DEAF1: variants seen among roughly 807,000 people sequenced by gnomAD.
The protein encoded by DEAF1 is DEAF1 transcription factor.
In DEAF1, 53 loss-of-function variants were observed where a neutral mutation model predicts 58.9. The ratio of observed to expected loss-of-function variants is 0.90; its 90% CI spans 0.72 to 1.13. The LOEUF is 1.13. Ranked by LOEUF, DEAF1 falls within the 50% of genes most tolerant of loss-of-function variation. The probability of loss-of-function intolerance (pLI) is 0.00; values close to 1 mark genes in which losing one functional copy is unlikely to be tolerated. For synonymous variants in DEAF1, 385 were observed against 340.4 expected (o/e 1.13, Z -1.44); for missense variants, 685 against 791.4 (o/e 0.87, Z 1.61).
chr11:701,286 C>T (rs1861453500), intron 1 of DEAF1, among the ~76,000 whole-genome samples: 1 of 151,726 alleles, frequency 6.6e-6, no homozygotes, highest in African/African-American at 2.4e-5. Context: ...CTTGAGCGAT[C>T]CTCCTGCCTC....
intron 10 of DEAF1, among the ~76,000 whole-genome samples, chr11:673,683 C>T (rs527549961): frequency 7.7e-4 from 117 of 152,188 alleles, no homozygotes; most frequent in Non-Finnish European, 1.4e-3. Flanking sequence ...CATCCCTGTC[C>T]TTTCCTGTGG....
Position 662,527 on chromosome 11 carries a change from T to A in DEAF1, c.1504-8476A>T, listed in dbSNP as rs1859363080. ...CTTCCTCCCCTCGCCGACCTCCGACTCCCGCCCAGCCCAGGCGCCCCCCAG... is the reference window on the plus strand; with the variant it reads ...CTTCCTCCCCTCGCCGACCTCCGACACCCGCCCAGCCCAGGCGCCCCCCAG... On this transcript the variant is annotated intron_variant, in intron 10 of 11. Transcript: ENST00000382409. Among the ~76,000 whole-genome samples the A allele has an allele frequency of 2.0e-5, 3 of 152,038 alleles. No individual in the cohort carries two copies. In the South Asian group the frequency reaches 6.2e-4, roughly 32 times the overall value.
chr11:654,472 G>A, intron 10 of DEAF1: 1 of 453,894 alleles, frequency 2.2e-6, no homozygotes, highest in Admixed American at 2.4e-5. Flanking sequence ...GCTCCCATTG[G>A]ACTCTTGACT....
rs762743946 is a variant in DEAF1 at position 702,986 on chromosome 11, G to A, written c.-438+3586C>T. 43 of 1,610,694 alleles carry A rather than the reference G, an allele frequency of 2.7e-5. 1 individual carries two copies. In the East Asian group the frequency reaches 3.3e-4, roughly 13 times the overall value. Reference sequence around the variant, plus strand: ...GACAGAGGCTGAGAGGCCGCTGGCCGCCAGCCTGGCCCTCACGGCTGGCAC... The same window carrying A: ...GACAGAGGCTGAGAGGCCGCTGGCCACCAGCCTGGCCCTCACGGCTGGCAC... On this transcript the variant is annotated intron_variant, in intron 1 of 11. Transcript: ENST00000683307.
At chr11:648,773 AAAT>A (rs919698796) in intron 11 of DEAF1, among the ~76,000 whole-genome samples, 1 of 151,972 alleles carries the variant, frequency 6.6e-6, no homozygotes, top group Non-Finnish European at 1.5e-5. Flanking sequence ...AGCAGTAAGA[AAAT>A]AACAACTTTA....
chr11:678,346 T>C (rs1860173024), intron 9 of DEAF1: 1 of 354,710 alleles, frequency 2.8e-6, no homozygotes, highest in Non-Finnish European at 5.5e-6. Context: ...ATGCCAGCTC[T>C]GGAGAGACCA....
Position 667,337 on chromosome 11 carries a change from AAG to A in DEAF1, c.1503+7197_1503+7198del, listed in dbSNP as rs1323834758. ...CTGTCTCAAAAAAGAAAGAAAAAAG[AAG>A]GAAGGAAGGGAGGGATGGAGGGAGG... is the stretch of plus-strand genomic sequence containing the variant. On this transcript the variant is annotated intron_variant, in intron 10 of 11. Coordinates refer to ENST00000382409, the MANE Select transcript of DEAF1 (RefSeq NM_021008.4). Among the ~76,000 whole-genome samples, 13 of 131,244 alleles carry A rather than the reference AAG, an allele frequency of 9.9e-5. No homozygotes were observed. In the East Asian group the frequency reaches 2.6e-3, roughly 26 times the overall value. 86.1% of individuals were successfully genotyped at this position (131,244 alleles called of 152,430 possible).
intron 9 of DEAF1, among the ~76,000 whole-genome samples, chr11:675,684 C>T (rs1202144613): frequency 3.3e-5 from 5 of 151,878 alleles, no homozygotes; most frequent in African/African-American, 7.3e-5. Flanking sequence ...ATTAGCTAGG[C>T]GTGGAAGCGT....
upstream of DEAF1, among the ~76,000 whole-genome samples, chr11:697,033 G>A (rs1418156241): frequency 4.0e-5 from 6 of 151,152 alleles, no homozygotes; most frequent in African/African-American, 1.5e-4. Flanking sequence ...GTGGGGTGCG[G>A]AGGTTGCAGT....
At chr11:685,028 T>C (rs1050059976) in intron 5 of DEAF1, 65 bp from the exon 6 acceptor site, 35 of 1,298,340 alleles carry the variant, frequency 2.7e-5, no homozygotes, top group African/African-American at 1.2e-4. Context: ...CATTCAATAA[T>C]AGAAGATTTC....
At chr11:698,307 G>A (rs981529746), upstream of DEAF1, among the ~76,000 whole-genome samples, 2 of 152,190 alleles carry the variant, frequency 1.3e-5, no homozygotes, top group Admixed American at 6.5e-5. Flanking sequence ...TCTCTCAGGT[G>A]GGGGTGGGAG....
intron 1 of DEAF1, chr11:703,756 C>T: frequency 8.1e-7 from 1 of 1,233,040 alleles, no homozygotes; most frequent in Non-Finnish European, 1.0e-6. Context: ...GCCAACAGCT[C>T]TGCTGCCTAG....
rs1312212385 is a variant in DEAF1, at chr11:694,822, T to A, written c.226A>T (p.Met76Leu). The stretch of plus-strand genomic sequence containing the variant: ...GGCAGGGCCTCGGCGCCCATGTCCA[T>A]GTGCCCGGGCTCCGCCGCCATCACC... Reference protein sequence around the residue: ...VAVMAAEPGHMDMGAEALPGP... With the variant: ...VAVMAAEPGHLDMGAEALPGP... Residue 76 changes from methionine to leucine, a missense_variant, in exon 1 of 12, where the codon ATG becomes TTG. By Grantham distance (15) the Met-to-Leu change is conservative (BLOSUM62 2). Coordinates refer to ENST00000382409, the MANE Select transcript of DEAF1 (RefSeq NM_021008.4). 1.5e-5 allele frequency: 22 copies of A among 1,447,034 alleles called. No homozygotes were observed. The highest frequency in any genetic ancestry group is 2.0e-5 in the Non-Finnish European group (22 of 1,102,668). The allele number at this position is 1,447,034 out of a possible 1,614,324, so 89.6% of individuals were successfully genotyped here.
At chr11:645,221 T>G (rs1405076237) in intron 11 of DEAF1, among the ~76,000 whole-genome samples, 1 of 151,648 alleles carries the variant, frequency 6.6e-6, no homozygotes, top group Admixed American at 6.6e-5. Context: ...AACCAGTTGT[T>G]TTGTGTTAGG....
Position 688,026 on chromosome 11 carries a change from G to A in DEAF1, c.549C>T (p.Pro183=), listed in dbSNP as rs767648103. 4.3e-6 allele frequency: 7 copies of A among 1,614,002 alleles called. No homozygotes were observed. The highest frequency in any genetic ancestry group is 2.2e-5 in the East Asian group (1 of 44,888). The change falls in exon 4 of 12, where the codon CCC becomes CCT. Residue 183 remains proline, a synonymous_variant. Coordinates refer to ENST00000382409, the MANE Select transcript of DEAF1 (RefSeq NM_021008.4). This position sits in a 1 kb window ranked among gnomAD's most constrained non-coding sequence, Gnocchi z 4.3. The part of the protein sequence containing the change: ...GPQSPPTPLA[P]GQEKGGTKYN... ...ATTTAGTTCCACCTTTTTCTTGGCC[G>A]GGAGCCAGAGGGGTTGGAGGAGACT...
chr11:650,968 A>AT (rs568964930), intron 11 of DEAF1, among the ~76,000 whole-genome samples: 99 of 147,228 alleles, frequency 6.7e-4, no homozygotes, highest in Non-Finnish European at 6.5e-4. Flanking sequence ...AGAAAAGGTA[A>AT]TTTTTTTTTT....
intron 10 of DEAF1, among the ~76,000 whole-genome samples, chr11:657,987 C>G (rs904951280): frequency 1.3e-5 from 2 of 152,144 alleles, no homozygotes; most frequent in Non-Finnish European, 2.9e-5. Flanking sequence ...GGACACCCAG[C>G]GACGGTTTCT....
chr11:698,898 T>C (rs370451088), upstream of DEAF1: 35 of 1,613,964 alleles, frequency 2.2e-5, no homozygotes, highest in African/African-American at 4.3e-4. Context: ...GGTATCCTGC[T>C]GCGTGCCCCT....
intron 11 of DEAF1, among the ~76,000 whole-genome samples, chr11:650,373 CAAAAAA>C (rs796351710): frequency 4.5e-5 from 1 of 22,244 alleles, no homozygotes; most frequent in Non-Finnish European, 8.4e-5. Flanking sequence ...CAGTCCGTCT[CAAAAAA>C]AAAAAAAAAA....
Sources: allele counts gnomAD v4.1 joint callset (sites outside exome capture counted in the v4.1 genomes callset), GRCh38; gene constraint gnomAD v4.1.1; non-coding constraint Gnocchi (gnomAD v3.1); transcripts MANE v1.5; gene names NCBI Gene and HGNC (gene_info 2026-07-23, HGNC 2026-07-21).